CDK11B: variants seen among roughly 807,000 people sequenced by gnomAD.
CDK11B encodes the protein cyclin-dependent kinase 11B.
Under a neutral mutation model 84.0 loss-of-function variants are expected in CDK11B, and 37 were observed. The ratio of observed to expected loss-of-function variants is 0.44; its 90% CI spans 0.34 to 0.58. CDK11B has a LOEUF of 0.58. Ranked by LOEUF, CDK11B falls within the 20% of genes least tolerant of loss-of-function variation. The probability of loss-of-function intolerance (pLI) is 0.02; values close to 1 mark genes in which losing one functional copy is unlikely to be tolerated. For missense variants in CDK11B, 427 were observed against 834.0 expected, an observed-to-expected ratio of 0.51 and a Z score of 6.01; for synonymous variants, 269 against 309.8, an observed-to-expected ratio of 0.87 and a Z score of 1.38.
At position 1,637,403 on chromosome 1, in the gene CDK11B, T is replaced by C. The variant is rs1304209787; in HGVS notation, c.1570+5A>G. The C allele has an allele frequency of 5.6e-6, 9 of 1,613,262 alleles. No homozygotes were observed. The highest frequency in any genetic ancestry group is 1.1e-5 in the South Asian group (1 of 90,994). On this transcript the variant is annotated splice_donor_5th_base_variant and intron_variant, in intron 14 of 19. Transcript: ENST00000341832. The stretch of plus-strand genomic sequence containing the variant: ...CGCAGACAGGCCCCTGGGGCGCGGC[T>C]GTACCTGGCAGGAAGGGCTGTTTCA...
intron 5 of CDK11B, among the ~76,000 whole-genome samples, chr1:1,647,803 G>T (rs1641368023): frequency 6.6e-6 from 1 of 152,188 alleles, no homozygotes; most frequent in Non-Finnish European, 1.5e-5. Context: ...CTCCACTGAG[G>T]ATGCTGGTGG....
At chr1:1,650,411 G>C (rs1396151126) in intron 4 of CDK11B, among the ~76,000 whole-genome samples, 3 of 139,552 alleles carry the variant, frequency 2.1e-5, no homozygotes, top group African/African-American at 5.5e-5. Context: ...TGTCGCCCAG[G>C]CTGGAGTGCA....
chr1:1,649,695 C>T (rs2100911744), intron 4 of CDK11B, 58 bp from the exon 5 acceptor site: 4 of 1,571,820 alleles, frequency 2.5e-6, no homozygotes, highest in South Asian at 2.2e-5. Context: ...TCACATGAAG[C>T]CGGGCACGGA....
Position 1,649,628 on chromosome 1 carries a change from G to C in CDK11B, c.365C>G (p.Ala122Gly). The change falls in exon 5 of 20, where the codon GCT (alanine) becomes GGT (glycine). Residue 122 changes from alanine to glycine, a missense_variant. Around this residue, in one of 12 missense-constraint regions of CDK11B, gnomAD observed 71 missense variants for 66.2 expected, o/e 1.07. Transcript: ENST00000341832. ...CTCTCTTTCTTTTTCTTTCACTCTA[G>C]CATGCTTCCCTAATGAGAAATAAAG... ...RSHSAEGGKH[A>G]RVKEKEREHE... 2 of 1,610,244 alleles carry C rather than the reference G, an allele frequency of 1.2e-6. No individual in the cohort carries two copies. Among genetic ancestry groups the C allele is most frequent in the South Asian group, 1.1e-5 (1 of 91,008 alleles).
chr1:1,656,428 TG>T (rs781771199), intron 2 of CDK11B, among the ~76,000 whole-genome samples: 1 of 151,878 alleles, frequency 6.6e-6, no homozygotes. Flanking sequence ...GAGGCAGAGG[TG>T]GCAGTTAGCT....
intron 4 of CDK11B, among the ~76,000 whole-genome samples, chr1:1,649,982 C>A (rs1164328486): frequency 7.1e-6 from 1 of 141,314 alleles, no homozygotes; most frequent in African/African-American, 2.6e-5. Flanking sequence ...CCACGTGAAA[C>A]TGAAATTAAG....
At chr1:1,651,311 G>A (rs1338870960) in intron 4 of CDK11B, among the ~76,000 whole-genome samples, 1 of 152,224 alleles carries the variant, frequency 6.6e-6, no homozygotes, top group Non-Finnish European at 1.5e-5. Context: ...AGGAAAAATG[G>A]ACTAGCCATT....
intron 11 of CDK11B, among the ~76,000 whole-genome samples, chr1:1,639,725 G>T (rs961485473): frequency 1.3e-5 from 2 of 152,028 alleles, no homozygotes; most frequent in African/African-American, 4.8e-5. Flanking sequence ...CAAGGAGGGG[G>T]CCGAGTCCCT....
At chr1:1,637,990 C>T in intron 12 of CDK11B, 107 bp from the exon 13 acceptor site, 2 of 1,531,798 alleles carry the variant, frequency 1.3e-6, no homozygotes, top group East Asian at 2.3e-5. Flanking sequence ...GCCAGCATTT[C>T]ACGGAGGGGG....
At chr1:1,650,334 T>C (rs1641809518) in intron 4 of CDK11B, among the ~76,000 whole-genome samples, 1 of 148,392 alleles carries the variant, frequency 6.7e-6, no homozygotes, top group South Asian at 2.1e-4. Flanking sequence ...TAAATAATGA[T>C]GTTAACGTTA....
intron 11 of CDK11B, among the ~76,000 whole-genome samples, chr1:1,639,563 C>T (rs561171331): frequency 2.6e-5 from 4 of 152,024 alleles, no homozygotes; most frequent in South Asian, 4.1e-4. Flanking sequence ...ACCTTGGGGC[C>T]GGTGCCCAGG....
rs1366881467 is a variant in CDK11B at position 1,649,703 on chromosome 1, G to A, written c.356-66C>T. On this transcript the variant is annotated intron_variant, in intron 4 of 19. Coordinates refer to ENST00000341832, the MANE Select transcript of CDK11B (RefSeq NM_033486.3). ...AAAAATTTCACATGAAGCCGGGCAC[G>A]GAGGCTTATGCCTGTAATCCTAGCA... is the stretch of plus-strand genomic sequence containing the variant. 1.5e-4 allele frequency: 223 copies of A among 1,516,022 alleles called. 2 individuals carry two copies. Among genetic ancestry groups the A allele is most frequent in the East Asian group, 7.1e-4 (31 of 43,860 alleles). The allele number at this position is 1,516,022 out of a possible 1,614,324, so 93.9% of individuals were successfully genotyped here. A position where few individuals can be genotyped will look rare whatever the true frequency, so the allele number is the denominator to read the frequency against.
chr1:1,656,583 A>G (rs76816793), intron 2 of CDK11B, among the ~76,000 whole-genome samples: 5 of 152,056 alleles, frequency 3.3e-5, no homozygotes, highest in African/African-American at 1.2e-4. Context: ...AGGTCAGGAG[A>G]TTAAGATCAT....
In CDK11B at chr1:1,650,060, T is replaced by TTGG. The variant is rs1641731920; in HGVS notation, c.356-424_356-423insCCA. ...AGGCCGAGGTGGGCGGATCACAAGG[T>TTGG]CAGATCGGGACCATCCTGGCTAACA... On this transcript the variant is annotated intron_variant, in intron 4 of 19. Transcript: ENST00000341832. 6.1e-5 allele frequency among the ~76,000 whole-genome samples: 9 copies of TTGG among 148,258 alleles called. No homozygotes were observed. In the Admixed American group the frequency reaches 6.1e-4, roughly 10 times the overall value.
In CDK11B at chr1:1,655,435, C is replaced by T; in HGVS notation, c.161G>A (p.Arg54Lys). ...KRDSLEEGEL[R>K]DHRMEITIRN... ...TATTGTGATCTCCATGCGGTGATCT[C>T]TCAGCTCCCCCTCCTCAAGGGAATC... The change falls in exon 3 of 20, where the codon AGA becomes AAA. Residue 54 changes from arginine (R) to lysine (K), a missense_variant. By Grantham distance (26) the Arg-to-Lys change is conservative. Around this residue, in one of 12 missense-constraint regions of CDK11B, gnomAD observed 57 missense variants for 62.2 expected, o/e 0.92. Transcript: ENST00000341832. 6.2e-7 allele frequency: 1 copy of T among 1,613,348 alleles called. No homozygotes were observed. The highest frequency in any genetic ancestry group is 8.5e-7 in the Non-Finnish European group (1 of 1,179,404).
At chr1:1,650,248 T>G (rs1389424590) in intron 4 of CDK11B, among the ~76,000 whole-genome samples, 1 of 83,996 alleles carries the variant, frequency 1.2e-5, no homozygotes, top group Non-Finnish European at 2.4e-5. Context: ...CCAGCCTGGG[T>G]GACAAGCAAG....
At position 1,657,216 on chromosome 1, in the gene CDK11B, G is replaced by A. The variant is rs765473516; in HGVS notation, c.111+159C>T. ...TGCCTTTAATGTCAACTGAATATTT[G>A]AATGTTTTTGTTAATTTTTAGAATA... On this transcript the variant is annotated intron_variant, in intron 2 of 19. Coordinates refer to ENST00000341832, the MANE Select transcript of CDK11B (RefSeq NM_033486.3). 5.6e-6 allele frequency: 9 copies of A among 1,613,768 alleles called. No individual in the cohort carries two copies. In the Admixed American group the frequency reaches 1.3e-4, roughly 24 times the overall value.
chr1:1,656,414 A>C (rs1329119315), intron 2 of CDK11B, among the ~76,000 whole-genome samples: 4 of 151,996 alleles, frequency 2.6e-5, no homozygotes, highest in Non-Finnish European at 5.9e-5. Context: ...CTGCTTGAAC[A>C]CAGGAGGCAG....
At position 1,652,572 on chromosome 1, in the gene CDK11B, A is replaced by G; in HGVS notation, c.228-6T>C. The G allele has an allele frequency of 1.4e-6, 2 of 1,455,314 alleles. No individual in the cohort carries two copies. Among genetic ancestry groups the G allele is most frequent in the Non-Finnish European group, 1.8e-6 (2 of 1,109,190 alleles). 90.2% of individuals were successfully genotyped at this position (1,455,314 alleles called of 1,614,324 possible). A position where few individuals can be genotyped will look rare whatever the true frequency, so the allele number is the denominator to read the frequency against. ...AAGAATCATCTTCTTCTCCTCTGAA[A>G]TAAAACACAACAGCACTGCATCATG... On this transcript the variant is annotated splice_polypyrimidine_tract_variant and splice_region_variant and intron_variant, in intron 3 of 19. Coordinates refer to ENST00000341832, the MANE Select transcript of CDK11B (RefSeq NM_033486.3).
Sources: gnomAD v4.1 joint callset for allele counts (sites outside exome capture counted in the v4.1 genomes callset) on GRCh38, gnomAD v4.1.1 for gene constraint, gnomAD v4.1.1 regional missense constraint, MANE v1.5 for transcripts, NCBI Gene and HGNC (gene_info 2026-07-23, HGNC 2026-07-21) for gene names.